Variants in SVEP1 observed in about 807,000 individuals in gnomAD.
SVEP1 encodes the protein sushi, von Willebrand factor type A, EGF and pentraxin domain-containing protein 1.
Under a neutral mutation model 367.3 loss-of-function variants are expected in SVEP1, and 164 were observed. The ratio of observed to expected loss-of-function variants is 0.45; its 90% CI spans 0.39 to 0.51. SVEP1 has a LOEUF of 0.51. Ranked by LOEUF, SVEP1 falls within the 20% of genes least tolerant of loss-of-function variation. The probability of loss-of-function intolerance (pLI) is 0.00; values close to 1 mark genes in which losing one functional copy is unlikely to be tolerated. For missense variants in SVEP1, 4,117 were observed against 4,425.3 expected, an observed-to-expected ratio of 0.93 and a Z score of 1.98; for synonymous variants, 1,666 against 1,611.6, an observed-to-expected ratio of 1.03 and a Z score of -0.81.
intron 3 of SVEP1, among the ~76,000 whole-genome samples, chr9:110,536,276 C>A (rs1684813856): frequency 6.6e-6 from 1 of 152,008 alleles, no homozygotes. Context: ...TTATGTTGAA[C>A]CAACCTTGCA....
At chr9:110,400,531 T>A (rs937728003) in intron 40 of SVEP1, among the ~76,000 whole-genome samples, 1 of 152,084 alleles carries the variant, frequency 6.6e-6, no homozygotes, top group Non-Finnish European at 1.5e-5. Flanking sequence ...CATGAACAGC[T>A]AATTTTTGTA....
At chr9:110,541,548 T>G (rs1383116516) in intron 3 of SVEP1, among the ~76,000 whole-genome samples, 1 of 152,108 alleles carries the variant, frequency 6.6e-6, no homozygotes, top group Non-Finnish European at 1.5e-5. Context: ...CACTTCATAC[T>G]TGAAGTAATT....
rs376571031 is a variant in SVEP1 at position 110,396,763 on chromosome 9, G to A, written c.9822+4091C>T. On this transcript the variant is annotated intron_variant, in intron 40 of 47. Transcript: ENST00000374469. ...TCTAGAAGAAATGGATAAATTCCTC[G>A]ACACATACATCCTCCCAAGACTAAA... is the stretch of plus-strand genomic sequence containing the variant. 6.6e-4 allele frequency among the ~76,000 whole-genome samples: 101 copies of A among 152,078 alleles called. 1 individual carries two copies. The highest frequency in any genetic ancestry group is 2.1e-3 in the Admixed American group (32 of 15,264).
At chr9:110,473,906 T>G (rs947902804) in intron 14 of SVEP1, among the ~76,000 whole-genome samples, 4 of 152,242 alleles carry the variant, frequency 2.6e-5, no homozygotes, top group Admixed American at 2.0e-4. Flanking sequence ...TTCTATACAA[T>G]GTATGAATAT....
intron 32 of SVEP1, among the ~76,000 whole-genome samples, chr9:110,431,014 C>G (rs946612072): frequency 6.6e-6 from 1 of 152,104 alleles, no homozygotes; most frequent in South Asian, 2.1e-4. Context: ...CTTGAATTCT[C>G]AAAACGGGAG....
intron 1 of SVEP1, among the ~76,000 whole-genome samples, chr9:110,573,226 G>C (rs1381380187): frequency 6.6e-6 from 1 of 151,878 alleles, no homozygotes; most frequent in Non-Finnish European, 1.5e-5. Context: ...TCAGCACTGG[G>C]GCCATCAGAG....
At position 110,365,955 on chromosome 9, in the gene SVEP1, G is replaced by A. The variant is rs1373220795; in HGVS notation, c.*584C>T. 1 of 152,262 alleles carries A rather than the reference G, an allele frequency of 6.6e-6. No individual in the cohort carries two copies. The highest frequency in any genetic ancestry group is 1.5e-5 in the Non-Finnish European group (1 of 68,062). 9.4% of individuals were successfully genotyped at this position (152,262 alleles called of 1,614,324 possible). A position where few individuals can be genotyped will look rare whatever the true frequency, so the allele number is the denominator to read the frequency against. On this transcript the variant is annotated 3_prime_UTR_variant, in exon 48 of 48. Coordinates refer to ENST00000374469, the MANE Select transcript of SVEP1 (RefSeq NM_153366.4). The stretch of plus-strand genomic sequence containing the variant: ...ACCCTAAGTACCAGGACATAATTAT[G>A]TGGTGGAGAGTACCAGGTCCAACAG...
At chr9:110,471,193 T>C (rs560043844) in intron 16 of SVEP1, among the ~76,000 whole-genome samples, 171 bp downstream of exon 16, 32 of 152,324 alleles carry the variant, frequency 2.1e-4, no homozygotes, top group Middle Eastern at 3.4e-3. Flanking sequence ...TTCCTGTCCC[T>C]ACCAACAGTA....
In SVEP1 at chr9:110,384,388, A is replaced by G. The variant is rs146208774; in HGVS notation, c.10237+1510T>C. 3.7e-3 allele frequency among the ~76,000 whole-genome samples: 545 copies of G among 148,358 alleles called. 4 individuals carry two copies. The highest frequency in any genetic ancestry group is 0.013 in the African/African-American group (526 of 40,056). ...TCAGTCCCAATGAGAGAACCTGGAT[A>G]CCTCAGTTGCCGGTGCAGGATTCAC... is the stretch of plus-strand genomic sequence containing the variant. On this transcript the variant is annotated intron_variant, in intron 43 of 47. Transcript: ENST00000374469.
intron 35 of SVEP1, 68 bp downstream of exon 35, chr9:110,429,075 A>C: frequency 7.5e-7 from 1 of 1,339,700 alleles, no homozygotes; most frequent in Non-Finnish European, 9.9e-7. Context: ...TCTCAAAAAA[A>C]TTAAAATAAA....
At chr9:110,495,734 G>A (rs1026991728) in intron 8 of SVEP1, among the ~76,000 whole-genome samples, 1 of 151,378 alleles carries the variant, frequency 6.6e-6, no homozygotes, top group African/African-American at 2.4e-5. Flanking sequence ...GTACATATAA[G>A]AGGAAGTAAA....
intron 46 of SVEP1, among the ~76,000 whole-genome samples, chr9:110,373,386 C>A (rs1827305584): frequency 6.6e-6 from 1 of 152,140 alleles, no homozygotes; most frequent in African/African-American, 2.4e-5. Context: ...TTTTCAGTCT[C>A]ATTTCTCTGG....
At chr9:110,403,296 GTTTTTTTT>G (rs71371665) in intron 39 of SVEP1, among the ~76,000 whole-genome samples, 14 of 43,454 alleles carry the variant, frequency 3.2e-4, no homozygotes, top group Admixed American at 2.7e-3. Context: ...CGCCACCGCC[GTTTTTTTT>G]TTTTTTTTTT....
chr9:110,389,414 A>G, intron 41 of SVEP1, 110 bp downstream of exon 41: 1 of 1,304,082 alleles, frequency 7.7e-7, no homozygotes, highest in Non-Finnish European at 1.1e-6. Flanking sequence ...TGGCTTATGG[A>G]GTTGGCTTAC....
chr9:110,576,227 TCACACACACACA>T (rs57822772), intron 1 of SVEP1, among the ~76,000 whole-genome samples: 3 of 149,912 alleles, frequency 2.0e-5, no homozygotes, highest in Admixed American at 6.7e-5. Context: ...ATAGGTAGTC[TCACACACACACA>T]CACACACACA....
intron 9 of SVEP1, among the ~76,000 whole-genome samples, chr9:110,488,795 G>A (rs1829324905): frequency 6.6e-6 from 1 of 152,118 alleles, no homozygotes; most frequent in Non-Finnish European, 1.5e-5. Flanking sequence ...GATTGCTTGA[G>A]CCTAGGAATT....
At position 110,375,465 on chromosome 9, in the gene SVEP1, T is replaced by TACAAAAAAAAAA; in HGVS notation, c.10505-3_10505-2insTTTTTTTTTTGT. On this transcript the variant is annotated splice_region_variant and splice_polypyrimidine_tract_variant and intron_variant, in intron 45 of 47. Coordinates refer to ENST00000374469, the MANE Select transcript of SVEP1 (RefSeq NM_153366.4). ...TCAGACAGGGAAGAATGCAGATTGC[T>TACAAAAAAAAAA]AAAAAAAAAAAAAAAAAAAAAAAAA... 1 of 555,402 alleles carries TACAAAAAAAAAA rather than the reference T, an allele frequency of 1.8e-6. No homozygotes were observed. The highest frequency in any genetic ancestry group is 2.7e-6 in the Non-Finnish European group (1 of 373,752). 34.4% of individuals were successfully genotyped at this position (555,402 alleles called of 1,614,324 possible).
chr9:110,448,248 A>T (rs1288171847), intron 24 of SVEP1, among the ~76,000 whole-genome samples: 1 of 152,250 alleles, frequency 6.6e-6, no homozygotes, highest in East Asian at 1.9e-4. Flanking sequence ...AAAACAGAAG[A>T]TGTGAATCAA....
intron 3 of SVEP1, among the ~76,000 whole-genome samples, chr9:110,528,274 A>G (rs552413078): frequency 6.7e-6 from 1 of 149,808 alleles, no homozygotes; most frequent in South Asian, 2.1e-4. Context: ...TATGATAAAC[A>G]CACATGTTTA....
Sources: allele counts gnomAD v4.1 joint callset (sites outside exome capture counted in the v4.1 genomes callset), GRCh38; gene constraint gnomAD v4.1.1; transcripts MANE v1.5; gene names NCBI Gene and HGNC (gene_info 2026-07-23, HGNC 2026-07-21).